GTF3C2: variants seen among roughly 807,000 people sequenced by gnomAD.
GTF3C2 encodes the protein general transcription factor IIIC subunit 2, also known as general transcription factor 3C polypeptide 2.
GTF3C2 carries 17 observed loss-of-function variants against 117.4 expected under a neutral mutation model. The ratio of observed to expected loss-of-function variants is 0.14; its 90% CI spans 0.10 to 0.22. GTF3C2 has a LOEUF of 0.22. Among genes scored for constraint, GTF3C2 ranks in the 10% least tolerant of loss-of-function variants. GTF3C2 has a pLI of 1.00. For missense variants in GTF3C2, 888 were observed against 1,143.6 expected (o/e 0.78, Z 3.22); for synonymous variants, 437 against 427.0 (o/e 1.02, Z -0.29).
chr2:27,343,019 G>A (rs766591700), exon 3 of GTF3C2: 1 of 1,614,194 alleles, frequency 6.2e-7, no homozygotes, highest in Admixed American at 1.7e-5. Context: ...AAGAGACCAG[G>A]AACCAGTGGG....
At chr2:27,352,407 C>T (rs1309684479) in intron 1 of GTF3C2, among the ~76,000 whole-genome samples, 2 of 152,152 alleles carry the variant, frequency 1.3e-5, no homozygotes, top group African/African-American at 4.8e-5. Flanking sequence ...AACTTTTTGC[C>T]AAGTAAGCTA....
chr2:27,326,596 C>G (rs1049784839), exon 19 of GTF3C2: 38 of 1,065,282 alleles, frequency 3.6e-5, no homozygotes, highest in Non-Finnish European at 5.0e-5. Flanking sequence ...CAGGGAAGGC[C>G]CCCAGTTCCT....
At position 27,330,461 on chromosome 2, in the gene GTF3C2, C is replaced by CA. The variant is rs918141311; in HGVS notation, c.1733-939dup. ...TGGGAGACAGAACGAGACTCCACCTCAAAAAAAAAGAAAAAAAAAAGAAAA... is the reference window on the plus strand; with the variant it reads ...TGGGAGACAGAACGAGACTCCACCTCAAAAAAAAAAGAAAAAAAAAAGAAAA... On this transcript the variant is annotated intron_variant, in intron 12 of 18. Transcript: ENST00000264720. Among the ~76,000 whole-genome samples the CA allele has an allele frequency of 9.8e-5, 14 of 142,136 alleles. No homozygotes were observed. In the East Asian group the frequency reaches 1.5e-3, roughly 15 times the overall value. The allele number at this position is 142,136 out of a possible 152,430, so 93.2% of individuals were successfully genotyped here.
exon 16 of GTF3C2, chr2:27,328,569 T>C (rs1572562264): frequency 6.2e-7 from 1 of 1,611,524 alleles, no homozygotes; most frequent in Non-Finnish European, 8.5e-7. Flanking sequence ...GCAGCTATTG[T>C]CCCAAGCCAG....
intron 5 of GTF3C2, 141 bp downstream of exon 5, chr2:27,337,785 G>A: frequency 4.2e-6 from 3 of 719,224 alleles, no homozygotes; most frequent in Non-Finnish European, 7.5e-6. Context: ...CTTGCCTCTA[G>A]AGCAGTGCTT....
At chr2:27,348,062 A>T (rs530072803) in intron 1 of GTF3C2, among the ~76,000 whole-genome samples, 2 of 152,208 alleles carry the variant, frequency 1.3e-5, no homozygotes, top group Non-Finnish European at 2.9e-5. Flanking sequence ...CGAGGTCAAG[A>T]GTTTGAGACC....
At position 27,327,624 on chromosome 2, in the gene GTF3C2, C is replaced by CTT. The variant is rs918684500; in HGVS notation, c.2410-342_2410-341dup. On this transcript the variant is annotated intron_variant, in intron 17 of 18. Coordinates refer to ENST00000264720, the Ensembl canonical transcript of GTF3C2. ...CAGGTGTGAGCCACTACGCCTGGCC[C>CTT]TTTTTTTTTTTTTTTTTTTTTTGAG... Among the ~76,000 whole-genome samples, 91 of 92,562 alleles carry CTT rather than the reference C, an allele frequency of 9.8e-4. 1 individual carries two copies. Among genetic ancestry groups the CTT allele is most frequent in the African/African-American group, 1.2e-3 (22 of 17,736 alleles). The allele number at this position is 92,562 out of a possible 152,430, so 60.7% of individuals were successfully genotyped here.
chr2:27,345,261 C>A (rs1680877441), intron 1 of GTF3C2, among the ~76,000 whole-genome samples: 1 of 151,926 alleles, frequency 6.6e-6, no homozygotes, highest in African/African-American at 2.4e-5. Context: ...CAAAGCAACA[C>A]CGTCTCAAGT....
At chr2:27,345,095 G>A (rs1235041960) in intron 1 of GTF3C2, among the ~76,000 whole-genome samples, 3 of 150,494 alleles carry the variant, frequency 2.0e-5, no homozygotes, top group African/African-American at 7.3e-5. Flanking sequence ...ACCATCCTGG[G>A]CAACAGAGTG....
chr2:27,346,441 T>G (rs1449366101), intron 1 of GTF3C2, among the ~76,000 whole-genome samples: 1 of 129,972 alleles, frequency 7.7e-6, no homozygotes, highest in Non-Finnish European at 1.6e-5. Flanking sequence ...AGCCTGGACC[T>G]CCCAGGCTCA....
At chr2:27,337,611 G>A in intron 5 of GTF3C2, 53 bp from the exon 6 acceptor site, 13 of 1,215,464 alleles carry the variant, frequency 1.1e-5, no homozygotes, top group South Asian at 6.0e-5. Flanking sequence ...CAGCCGCACA[G>A]TCCAATAAAA....
chr2:27,335,389 G>A (rs1344211038), intron 10 of GTF3C2: 7 of 697,768 alleles, frequency 1.0e-5, no homozygotes, highest in Non-Finnish European at 1.9e-5. Context: ...GGAGATAAAA[G>A]GAAATGTGCT....
intron 5 of GTF3C2, 174 bp downstream of exon 5, chr2:27,337,752 T>C: frequency 1.4e-6 from 1 of 694,688 alleles, no homozygotes; most frequent in Non-Finnish European, 2.6e-6. Context: ...TTTATTTCAC[T>C]TTAATTAAAG....
At chr2:27,348,395 G>A (rs1199142842) in intron 1 of GTF3C2, among the ~76,000 whole-genome samples, 2 of 149,196 alleles carry the variant, frequency 1.3e-5, no homozygotes, top group South Asian at 2.1e-4. Flanking sequence ...AGCAGAGATC[G>A]CGTTCCTGCA....
intron 1 of GTF3C2, 138 bp downstream of exon 1, chr2:27,356,601 G>A (rs943451185): frequency 2.5e-5 from 4 of 161,424 alleles, no homozygotes; most frequent in Admixed American, 5.8e-5. Context: ...TAGGAGCGCA[G>A]ACGCTGAAAG....
intron 1 of GTF3C2, chr2:27,356,488 T>C (rs146193035): frequency 4.3e-6 from 1 of 233,790 alleles, no homozygotes; most frequent in East Asian, 8.7e-5. Context: ...GGCTTCCGCG[T>C]TACCGACACC....
chr2:27,347,383 A>G (rs1572581420), intron 1 of GTF3C2, among the ~76,000 whole-genome samples: 1 of 152,222 alleles, frequency 6.6e-6, no homozygotes, highest in South Asian at 2.1e-4. Context: ...TATAAACTAT[A>G]GCAATGGCCA....
At chr2:27,328,099 T>C in exon 17 of GTF3C2, 1 of 1,612,004 alleles carries the variant, frequency 6.2e-7, no homozygotes, top group Non-Finnish European at 8.5e-7. Flanking sequence ...GTTCGAGCCT[T>C]AGGAGGGTTG....
intron 18 of GTF3C2, 36 bp from the exon 19 acceptor site, chr2:27,326,929 A>G (rs767433437): frequency 1.4e-6 from 2 of 1,382,562 alleles, no homozygotes. Context: ...AGAGATGCTC[A>G]TGGGTGGTGC....
Sources: gnomAD v4.1 joint callset for allele counts (sites outside exome capture counted in the v4.1 genomes callset) on GRCh38, gnomAD v4.1.1 for gene constraint, MANE v1.5 for transcripts, NCBI Gene and HGNC (gene_info 2026-07-23, HGNC 2026-07-21) for gene names.